Variants in PTPRC observed in about 807,000 individuals in gnomAD.
The protein encoded by PTPRC is protein tyrosine phosphatase receptor type C.
Under a neutral mutation model 155.9 loss-of-function variants are expected in PTPRC, and 44 were observed. That is an observed-to-expected ratio of 0.28 (90% CI 0.22 to 0.36). The LOEUF (loss-of-function observed/expected upper bound fraction) is 0.36. Among genes scored for constraint, PTPRC ranks in the 10% least tolerant of loss-of-function variants. The probability of loss-of-function intolerance (pLI) is 1.00; values close to 1 mark genes in which losing one functional copy is unlikely to be tolerated. For synonymous variants in PTPRC, 525 were observed against 533.1 expected (o/e 0.98, Z 0.21); for missense variants, 1,401 against 1,564.6 (o/e 0.90, Z 1.76).
chr1:198,695,336 T>G (rs932525314), intron 3 of PTPRC, among the ~76,000 whole-genome samples: 2 of 151,756 alleles, frequency 1.3e-5, no homozygotes, highest in African/African-American at 4.8e-5. Flanking sequence ...TTAATTATTT[T>G]TTGTTGTGTG....
At position 198,731,746 on chromosome 1, in the gene PTPRC, T is replaced by G. The variant is rs779359986; in HGVS notation, c.1974+20T>G. On this transcript the variant is annotated intron_variant, in intron 18 of 32. Transcript: ENST00000442510. ...TTTCAGGTGTGTGTTGCTTTTGTTA[T>G]ATGATGATAAATTCGACATCAAGAC... The G allele has an allele frequency of 1.3e-6, 2 of 1,535,694 alleles. No homozygotes were observed. Among genetic ancestry groups the G allele is most frequent in the Non-Finnish European group, 1.8e-6 (2 of 1,109,524 alleles).
At chr1:198,744,864 C>T (rs550949427) in intron 26 of PTPRC, among the ~76,000 whole-genome samples, 1 of 151,740 alleles carries the variant, frequency 6.6e-6, no homozygotes, top group African/African-American at 2.4e-5. Flanking sequence ...CAGGAGTGTG[C>T]TTTTAATCAC....
At chr1:198,685,638 A>G (rs1175066262) in intron 2 of PTPRC, among the ~76,000 whole-genome samples, 1 of 151,970 alleles carries the variant, frequency 6.6e-6, no homozygotes, top group Non-Finnish European at 1.5e-5. Context: ...AAAAAAGTGC[A>G]ATTCTCTTAT....
chr1:198,754,442 A>AT (rs753649064), intron 32 of PTPRC, 38 bp downstream of exon 32: 1,425 of 1,544,394 alleles, frequency 9.2e-4, no homozygotes, highest in East Asian at 2.2e-3. Context: ...CATGCTCGGA[A>AT]TTTTTTTTTT....
rs577538940 is a variant in PTPRC, at chr1:198,667,267, G to A, written c.74-25080G>A. Among the ~76,000 whole-genome samples, 10 of 152,294 alleles carry A rather than the reference G, an allele frequency of 6.6e-5. No homozygotes were observed. In the East Asian group the frequency reaches 1.7e-3, roughly 26 times the overall value. On this transcript the variant is annotated intron_variant, in intron 2 of 32. Transcript: ENST00000442510. ...TCATTGCTGTCAGAGGTGGGAAGGA[G>A]TCCCTGAGAAAGAAATTATTCTTGT... is the stretch of plus-strand genomic sequence containing the variant.
chr1:198,638,945 G>T, upstream of PTPRC: 1 of 303,778 alleles, frequency 3.3e-6, no homozygotes, highest in Non-Finnish European at 6.2e-6. Context: ...AATTAAGGAA[G>T]TGCAATGCCA....
Position 198,685,796 on chromosome 1 carries a change from CA to C in PTPRC, c.74-6549del, listed in dbSNP as rs765646408. Among the ~76,000 whole-genome samples, 154 of 152,158 alleles carry C rather than the reference CA, an allele frequency of 1.0e-3. 1 individual carries two copies. The highest frequency in any genetic ancestry group is 1.5e-3 in the Non-Finnish European group (103 of 67,944). On this transcript the variant is annotated intron_variant, in intron 2 of 32. Transcript: ENST00000442510. Reference sequence around the variant, plus strand: ...TTTATGGAGGTCAAGTATGCATTCTCAACCTTCAAAACATGCTATCATTCAT... The same window carrying C: ...TTTATGGAGGTCAAGTATGCATTCTCACCTTCAAAACATGCTATCATTCAT...
intron 9 of PTPRC, 22 bp from the exon 10 acceptor site, chr1:198,708,111 T>C (rs997673996): frequency 2.8e-5 from 44 of 1,590,608 alleles, no homozygotes; most frequent in Non-Finnish European, 3.7e-5. Flanking sequence ...TAATCAAGTT[T>C]ATTTCTGTAT....
At chr1:198,697,870 G>A (rs1194299623) in intron 4 of PTPRC, among the ~76,000 whole-genome samples, 2 of 152,200 alleles carry the variant, frequency 1.3e-5, no homozygotes, top group Admixed American at 1.3e-4. Context: ...ATAGTAAGCA[G>A]TTAAATAAAT....
intron 2 of PTPRC, among the ~76,000 whole-genome samples, chr1:198,663,429 G>A (rs369898249): frequency 1.3e-5 from 2 of 152,226 alleles, no homozygotes; most frequent in Admixed American, 6.5e-5. Flanking sequence ...GGGCACAGGT[G>A]CATTTGTGGA....
rs561773370 is a variant in PTPRC, at chr1:198,699,610, G to A, written c.345G>A (p.Ser115=). The A allele has an allele frequency of 6.2e-7, 1 of 1,614,112 alleles. No individual in the cohort carries two copies. Among genetic ancestry groups the A allele is most frequent in the Admixed American group, 1.7e-5 (1 of 60,016 alleles). Residue 115 remains serine, a synonymous_variant, in exon 5 of 33, where the codon TCG becomes TCA. Transcript: ENST00000442510. ...QTPHLPTHAD[S]QTPSAGTDTQ... ...CTCACCTTCCCACGCACGCAGACTC[G>A]CAGACGCCCTCTGCTGGAACTGACA...
intron 2 of PTPRC, among the ~76,000 whole-genome samples, chr1:198,663,875 TTTA>T (rs1275724212): frequency 5.9e-5 from 9 of 152,144 alleles, no homozygotes; most frequent in African/African-American, 1.9e-4. Flanking sequence ...TATTATTATT[TTTA>T]TTATTAATGT....
In PTPRC at chr1:198,706,615, T is replaced by C. The variant is rs1375575665; in HGVS notation, c.686-119T>C. On this transcript the variant is annotated intron_variant, in intron 8 of 32. Coordinates refer to ENST00000442510, the MANE Select transcript of PTPRC (RefSeq NM_002838.5). ...AATGATATGGAGGCACCTAATGTGT[T>C]TTTTCTTTTTCATGTTTTTTGGGGA... is the stretch of plus-strand genomic sequence containing the variant. 1.1e-5 allele frequency: 13 copies of C among 1,134,318 alleles called. No individual in the cohort carries two copies. The East Asian group carries it at 2.7e-4, about 24-fold the overall frequency. 70.3% of individuals were successfully genotyped at this position (1,134,318 alleles called of 1,614,324 possible). A position where few individuals can be genotyped will look rare whatever the true frequency, so the allele number is the denominator to read the frequency against.
chr1:198,671,105 ATTTTTTGAAATGTAAAAAAAAAAAATT>A (rs1198530542), intron 2 of PTPRC, among the ~76,000 whole-genome samples: 1 of 151,930 alleles, frequency 6.6e-6, no homozygotes, highest in Non-Finnish European at 1.5e-5. Context: ...AATAATTTAA[ATTTTTTGAAATGTAAAAAAAAAAAATT>A]TTTCTAGCCT....
intron 23 of PTPRC, among the ~76,000 whole-genome samples, chr1:198,737,989 T>A (rs922082619): frequency 6.6e-6 from 1 of 151,866 alleles, no homozygotes; most frequent in Non-Finnish European, 1.5e-5. Context: ...AAACACTGCT[T>A]GTTTTAATGT....
chr1:198,693,843 C>G (rs1363414373), intron 3 of PTPRC, among the ~76,000 whole-genome samples: 1 of 152,174 alleles, frequency 6.6e-6, no homozygotes, highest in African/African-American at 2.4e-5. Flanking sequence ...CTCCCTACCC[C>G]TGGGACTGAA....
chr1:198,728,375 C>A lies in PTPRC; in HGVS notation c.1756C>A (p.Leu586Met). ...SKALIAFLAF[L>M]IIVTSIALLV... The stretch of plus-strand genomic sequence containing the variant: ...GGCACTGATAGCATTTCTGGCATTT[C>A]TGATTATTGTGACATCAATAGCCCT... Residue 586 changes from leucine (L) to methionine (M), a missense_variant, in exon 16 of 33, where the codon CTG becomes ATG. By Grantham distance (15) the Leu-to-Met change is conservative. Around this residue, in one of 3 missense-constraint regions of PTPRC, gnomAD observed 867 missense variants for 970.4 expected, o/e 0.89. Coordinates refer to ENST00000442510, the MANE Select transcript of PTPRC (RefSeq NM_002838.5). The A allele has an allele frequency of 6.2e-7, 1 of 1,613,030 alleles. No individual in the cohort carries two copies. The highest frequency in any genetic ancestry group is 1.7e-5 in the Admixed American group (1 of 59,958).
chr1:198,739,533 A>ATT (rs1448998959), intron 23 of PTPRC, among the ~76,000 whole-genome samples: 1 of 151,822 alleles, frequency 6.6e-6, no homozygotes, highest in African/African-American at 2.4e-5. Context: ...GGATATAACA[A>ATT]TTGTAAATAT....
intron 23 of PTPRC, 80 bp downstream of exon 23, chr1:198,735,332 TA>T (rs1654585220): frequency 8.1e-7 from 1 of 1,242,118 alleles, no homozygotes; most frequent in Non-Finnish European, 1.1e-6. Context: ...AGTGAGAAAA[TA>T]AAATATATCA....
Sources: allele counts gnomAD v4.1 joint callset (sites outside exome capture counted in the v4.1 genomes callset), GRCh38; gene constraint gnomAD v4.1.1; regional missense constraint gnomAD v4.1.1; transcripts MANE v1.5; gene names NCBI Gene and HGNC (gene_info 2026-07-23, HGNC 2026-07-21).